Variants in HCN1 observed in about 807,000 individuals in gnomAD.
HCN1 encodes the protein potassium/sodium hyperpolarization-activated cyclic nucleotide-gated channel 1.
HCN1 carries 13 observed loss-of-function variants against 78.9 expected under a neutral mutation model. The ratio of observed to expected loss-of-function variants is 0.16; its 90% CI spans 0.11 to 0.26. The LOEUF (loss-of-function observed/expected upper bound fraction) is 0.26. Ranked by LOEUF, HCN1 falls within the 10% of genes least tolerant of loss-of-function variation. The pLI is 1.00. For synonymous variants in HCN1, 552 were observed against 455.5 expected (o/e 1.21, Z -2.70); for missense variants, 810 against 1,154.3 (o/e 0.70, Z 4.32).
intron 2 of HCN1, among the ~76,000 whole-genome samples, chr5:45,468,636 AGT>A (rs1237828932): frequency 6.6e-6 from 1 of 152,038 alleles, no homozygotes; most frequent in Non-Finnish European, 1.5e-5. Context: ...ATTTATGAAA[AGT>A]GTGTTTTTTA....
intron 2 of HCN1, among the ~76,000 whole-genome samples, chr5:45,580,871 TC>T (rs1652262908): frequency 6.6e-6 from 1 of 152,172 alleles, no homozygotes; most frequent in African/African-American, 2.4e-5. Flanking sequence ...CATGAACTCA[TC>T]CTTTTTATGG....
At chr5:45,462,123 G>T in intron 2 of HCN1, 116 bp from the exon 3 acceptor site, 1 of 772,046 alleles carries the variant, frequency 1.3e-6, no homozygotes, top group South Asian at 1.7e-5. Context: ...ATAAAAATAT[G>T]GGAATAACTT....
At chr5:45,694,713 T>C (rs1416519451) in intron 1 of HCN1, among the ~76,000 whole-genome samples, 1 of 152,220 alleles carries the variant, frequency 6.6e-6, no homozygotes, top group Non-Finnish European at 1.5e-5. Context: ...GCTAAGATAA[T>C]CGTGCACACG....
At chr5:45,496,057 A>G (rs1039552394) in intron 2 of HCN1, among the ~76,000 whole-genome samples, 7 of 152,054 alleles carry the variant, frequency 4.6e-5, no homozygotes, top group African/African-American at 1.4e-4. Context: ...TTGGTCTAAA[A>G]TTCTCTTTTT....
At chr5:45,290,578 A>G (rs892968500) in intron 6 of HCN1, among the ~76,000 whole-genome samples, 1 of 152,096 alleles carries the variant, frequency 6.6e-6, no homozygotes, top group African/African-American at 2.4e-5. Context: ...TAAAAAAAAG[A>G]CACCATTTAT....
intron 3 of HCN1, among the ~76,000 whole-genome samples, chr5:45,445,267 G>C (rs948757113): frequency 1.3e-5 from 2 of 152,184 alleles, no homozygotes; most frequent in African/African-American, 2.4e-5. Flanking sequence ...CTACGCCCAG[G>C]TAGTCTCACT....
At chr5:45,369,997 G>C (rs1342657639) in intron 4 of HCN1, among the ~76,000 whole-genome samples, 3 of 151,666 alleles carry the variant, frequency 2.0e-5, no homozygotes, top group Non-Finnish European at 2.9e-5. Flanking sequence ...TGTATGACTG[G>C]AATTGTACTT....
chr5:45,470,825 AT>A (rs1474877681), intron 2 of HCN1, among the ~76,000 whole-genome samples: 1 of 151,968 alleles, frequency 6.6e-6, no homozygotes, highest in Admixed American at 6.6e-5. Context: ...ACTAAATCAC[AT>A]GAACCCTTAA....
At chr5:45,422,956 A>G (rs1561148910) in intron 3 of HCN1, among the ~76,000 whole-genome samples, 1 of 152,110 alleles carries the variant, frequency 6.6e-6, no homozygotes, top group Non-Finnish European at 1.5e-5. Context: ...AACGAATAAG[A>G]TCTTGTATTT....
At chr5:45,608,571 T>G (rs900162132) in intron 2 of HCN1, among the ~76,000 whole-genome samples, 1 of 151,862 alleles carries the variant, frequency 6.6e-6, no homozygotes, top group African/African-American at 2.4e-5. Flanking sequence ...CAAAGATCAG[T>G]GGAAGAAAAG....
At chr5:45,380,737 C>A (rs923236391) in intron 4 of HCN1, among the ~76,000 whole-genome samples, 1 of 152,030 alleles carries the variant, frequency 6.6e-6, no homozygotes, top group East Asian at 1.9e-4. Flanking sequence ...TCCCATTACA[C>A]ACTATAGAAA....
intron 1 of HCN1, among the ~76,000 whole-genome samples, chr5:45,658,771 G>A (rs1295163087): frequency 7.9e-5 from 12 of 152,054 alleles, no homozygotes; most frequent in Admixed American, 2.6e-4. Context: ...CGCACCACGA[G>A]ACTATATCCC....
intron 2 of HCN1, among the ~76,000 whole-genome samples, chr5:45,520,863 T>C (rs796865106): frequency 1.3e-5 from 2 of 151,968 alleles, no homozygotes; most frequent in Non-Finnish European, 2.9e-5. Flanking sequence ...ATAAGTGTTA[T>C]CACATGTACA....
At chr5:45,350,077 A>C (rs181116987) in intron 5 of HCN1, among the ~76,000 whole-genome samples, 25 of 152,324 alleles carry the variant, frequency 1.6e-4, no homozygotes, top group African/African-American at 6.0e-4. Context: ...ACCAAAAAAA[A>C]GAATTTTAGA....
chr5:45,312,222 C>A (rs559061055), intron 5 of HCN1, among the ~76,000 whole-genome samples: 14 of 152,200 alleles, frequency 9.2e-5, no homozygotes, highest in East Asian at 5.8e-4. Flanking sequence ...CAAACGGTAA[C>A]CCTGCTAAAG....
At chr5:45,548,759 C>T (rs1743287764) in intron 2 of HCN1, among the ~76,000 whole-genome samples, 2 of 152,270 alleles carry the variant, frequency 1.3e-5, no homozygotes, top group Middle Eastern at 3.4e-3. Context: ...ATTGTCTCAG[C>T]TCAAAATCTC....
At chr5:45,276,116 A>G (rs1398359402) in intron 6 of HCN1, among the ~76,000 whole-genome samples, 1 of 152,098 alleles carries the variant, frequency 6.6e-6, no homozygotes, top group Non-Finnish European at 1.5e-5. Flanking sequence ...AATAGTCTCC[A>G]TAGGCAATAT....
At position 45,303,675 on chromosome 5, in the gene HCN1, G is replaced by A. The variant is rs1579793918; in HGVS notation, c.1542C>T (p.Phe514=). 5.0e-6 allele frequency: 8 copies of A among 1,613,282 alleles called. No homozygotes were observed. Among genetic ancestry groups the A allele is most frequent in the Non-Finnish European group, 6.8e-6 (8 of 1,179,602 alleles). ...TGACACCAGCAACACCGTGTTGAATGAAATACATTTTTTTACCCACGGCTC... is the reference window on the plus strand; with the variant it reads ...TGACACCAGCAACACCGTGTTGAATAAAATACATTTTTTTACCCACGGCTC... ...REGAVGKKMY[F]IQHGVAGVIT... is the part of the protein sequence containing the mutation. The change falls in exon 6 of 8, where the codon TTC becomes TTT. Residue 514 remains phenylalanine, a synonymous_variant. Coordinates refer to ENST00000303230, the MANE Select transcript of HCN1 (RefSeq NM_021072.4).
chr5:45,313,957 A>T (rs1048919156), intron 5 of HCN1, among the ~76,000 whole-genome samples: 2 of 152,232 alleles, frequency 1.3e-5, no homozygotes, highest in African/African-American at 4.8e-5. Context: ...GATATTATCC[A>T]GGAGAACTTC....
Sources: gnomAD v4.1 joint callset for allele counts (sites outside exome capture counted in the v4.1 genomes callset) on GRCh38, gnomAD v4.1.1 for gene constraint, MANE v1.5 for transcripts, NCBI Gene and HGNC (gene_info 2026-07-23, HGNC 2026-07-21) for gene names.